Variants in SRFBP1 observed in about 807,000 individuals in gnomAD.
The protein encoded by SRFBP1 is serum response factor binding protein 1, also known as serum response factor-binding protein 1.
Under a neutral mutation model 45.5 loss-of-function variants are expected in SRFBP1, and 47 were observed. The observed-to-expected ratio is 1.03, with a 90% CI of 0.82 to 1.32. SRFBP1 has a LOEUF of 1.32. Ranked by LOEUF, SRFBP1 falls within the 40% of genes most tolerant of loss-of-function variation. The pLI is 0.00. For synonymous variants in SRFBP1, 203 were observed against 166.3 expected, an observed-to-expected ratio of 1.22 and a Z score of -1.70; for missense variants, 621 against 484.6, an observed-to-expected ratio of 1.28 and a Z score of -2.64.
intron 3 of SRFBP1, among the ~76,000 whole-genome samples, chr5:121,975,970 A>G (rs1017556770): frequency 6.6e-6 from 1 of 151,916 alleles, no homozygotes; most frequent in East Asian, 1.9e-4. Context: ...ACCAAATGAC[A>G]TGACATTAAA....
chr5:122,070,444 G>T, intron 2 of SRFBP1: 1 of 953,696 alleles, frequency 1.0e-6, no homozygotes, highest in Non-Finnish European at 1.7e-6. Context: ...AGAGAAGAGG[G>T]CCTATTGATC....
Position 122,022,351 on chromosome 5 carries a change from G to A in SRFBP1, c.1068-19G>A. On this transcript the variant is annotated intron_variant, in intron 6 of 7. Transcript: ENST00000339397. The stretch of plus-strand genomic sequence containing the variant: ...GGATTTATCTTTAAAAAGTCATAAT[G>A]GTGTTTTTCTTCTTTTAGAAATTTC... The A allele has an allele frequency of 1.3e-6, 2 of 1,598,368 alleles. No individual in the cohort carries two copies. The highest frequency in any genetic ancestry group is 1.1e-5 in the South Asian group (1 of 88,982).
rs933958261 is a variant in SRFBP1 at position 122,027,046 on chromosome 5, T to C, written c.1210T>C (p.Trp404Arg). 6.2e-7 allele frequency: 1 copy of C among 1,612,638 alleles called. No homozygotes were observed. The highest frequency in any genetic ancestry group is 8.5e-7 in the Non-Finnish European group (1 of 1,179,630). ...QQLQLPLHPS[W>R]EASRRRKEQQ... ...ATTGCAGCTGCCTCTTCATCCTTCA[T>C]GGGAAGCAAGCAGAAGGCGAAAAGA... The change falls in exon 8 of 8, where the codon TGG (tryptophan) becomes CGG (arginine). Residue 404 changes from tryptophan (W) to arginine (R), a missense_variant. Coordinates refer to ENST00000339397, the MANE Select transcript of SRFBP1 (RefSeq NM_152546.3).
chr5:122,035,877 T>A (rs1286084666), intron 2 of SRFBP1, among the ~76,000 whole-genome samples: 1 of 152,168 alleles, frequency 6.6e-6, no homozygotes. Context: ...CCTGGGTCAT[T>A]TTTCAGGATT....
chr5:122,068,337 T>C (rs562535565), intron 2 of SRFBP1, among the ~76,000 whole-genome samples: 4 of 152,084 alleles, frequency 2.6e-5, no homozygotes, highest in Admixed American at 6.6e-5. Flanking sequence ...CAAGAGACAT[T>C]CTATGCAACA....
At chr5:122,038,002 G>C (rs1433255903) in intron 2 of SRFBP1, among the ~76,000 whole-genome samples, 1 of 152,140 alleles carries the variant, frequency 6.6e-6, no homozygotes, top group African/African-American at 2.4e-5. Context: ...AAAACTATCT[G>C]AGCCATTTCC....
At chr5:121,975,209 G>T in intron 2 of SRFBP1, 106 bp from the exon 3 acceptor site, 30 of 1,133,118 alleles carry the variant, frequency 2.6e-5, no homozygotes, top group African/African-American at 3.1e-5. Flanking sequence ...TTGTTATTTA[G>T]AGATTTATTA....
intron 2 of SRFBP1, among the ~76,000 whole-genome samples, chr5:122,059,816 G>T (rs1277273467): frequency 1.3e-5 from 2 of 152,074 alleles, no homozygotes; most frequent in Non-Finnish European, 2.9e-5. Flanking sequence ...ACCCTAATGT[G>T]CTCCTTCCAG....
At chr5:121,995,108 G>C (rs1263687848) in intron 4 of SRFBP1, among the ~76,000 whole-genome samples, 1 of 151,516 alleles carries the variant, frequency 6.6e-6, no homozygotes, top group Non-Finnish European at 1.5e-5. Flanking sequence ...AGATCAACGA[G>C]ACAGAAAGTC....
rs1172804299 is a variant in SRFBP1 at position 122,020,196 on chromosome 5, A to G, written c.461A>G (p.Asn154Ser). ...HSENTLYSNDNGSNLQREATV... is the reference protein window; with the variant it reads ...HSENTLYSNDSGSNLQREATV... ...GAGAATACTTTGTATTCAAATGATA[A>G]TGGAAGTAATTTACAGCGTGAAGCA... The change falls in exon 6 of 8, where the codon AAT becomes AGT. Residue 154 changes from asparagine to serine, a missense_variant. Coordinates refer to ENST00000339397, the MANE Select transcript of SRFBP1 (RefSeq NM_152546.3). The G allele has an allele frequency of 6.2e-7, 1 of 1,612,392 alleles. No homozygotes were observed. The highest frequency in any genetic ancestry group is 1.3e-5 in the African/African-American group (1 of 74,854).
intron 1 of SRFBP1, among the ~76,000 whole-genome samples, chr5:121,964,119 C>T (rs375513263): frequency 2.0e-5 from 3 of 151,996 alleles, no homozygotes; most frequent in African/African-American, 7.2e-5. Context: ...AATTCTTTTC[C>T]ATCACCACTA....
At chr5:122,067,287 C>A (rs1027867835) in intron 2 of SRFBP1, among the ~76,000 whole-genome samples, 3 of 151,110 alleles carry the variant, frequency 2.0e-5, no homozygotes, top group Non-Finnish European at 4.4e-5. Flanking sequence ...AATTTCCAAA[C>A]AGTAAATTCT....
chr5:122,056,028 G>A (rs1216698291), intron 2 of SRFBP1, among the ~76,000 whole-genome samples: 1 of 152,102 alleles, frequency 6.6e-6, no homozygotes, highest in African/African-American at 2.4e-5. Flanking sequence ...CAAGAGTGTT[G>A]AATAACAGGT....
At chr5:121,986,190 T>TA (rs996451928) in intron 3 of SRFBP1, among the ~76,000 whole-genome samples, 1 of 151,662 alleles carries the variant, frequency 6.6e-6, no homozygotes, top group Admixed American at 6.6e-5. Context: ...CAAATGAAGA[T>TA]AGAGTATCAA....
At chr5:122,034,380 T>C (rs1753650064) in intron 2 of SRFBP1, among the ~76,000 whole-genome samples, 1 of 152,198 alleles carries the variant, frequency 6.6e-6, no homozygotes, top group Non-Finnish European at 1.5e-5. Context: ...ATCTTAAATT[T>C]GGTATTTAGG....
chr5:121,984,195 C>T (rs770034374), intron 3 of SRFBP1, among the ~76,000 whole-genome samples: 3 of 151,732 alleles, frequency 2.0e-5, no homozygotes, highest in Non-Finnish European at 3.0e-5. Context: ...CATAAGGCTT[C>T]GTGCCTTAGG....
intron 2 of SRFBP1, among the ~76,000 whole-genome samples, chr5:122,055,804 A>G (rs1294676593): frequency 6.6e-6 from 1 of 152,170 alleles, no homozygotes; most frequent in Non-Finnish European, 1.5e-5. Context: ...TGCTATTACC[A>G]TTTTCACTTA....
rs182213216 is a variant in SRFBP1, at chr5:122,013,385, C to T, written c.271-5875C>T. Among the ~76,000 whole-genome samples, 486 of 152,006 alleles carry T rather than the reference C, an allele frequency of 3.2e-3. 4 individuals are homozygous for T. The highest frequency in any genetic ancestry group is 2.8e-3 in the Non-Finnish European group (192 of 67,942). On this transcript the variant is annotated intron_variant, in intron 4 of 7. Coordinates refer to ENST00000339397, the MANE Select transcript of SRFBP1 (RefSeq NM_152546.3). ...CAAATGTATATACACCATAAAATTA[C>T]GGTACAAAGTAGATACAGCACATAC... is the stretch of plus-strand genomic sequence containing the variant.
chr5:122,032,747 A>G (rs548505778), downstream of SRFBP1, among the ~76,000 whole-genome samples: 45 of 152,306 alleles, frequency 3.0e-4, no homozygotes, highest in Middle Eastern at 0.01. Context: ...ATATGAAAAA[A>G]CAGTATGTAT....
Sources: allele counts gnomAD v4.1 joint callset (sites outside exome capture counted in the v4.1 genomes callset), GRCh38; gene constraint gnomAD v4.1.1; transcripts MANE v1.5; gene names NCBI Gene and HGNC (gene_info 2026-07-23, HGNC 2026-07-21).